The following PDGFRA variants were observed in gnomAD, a reference collection of about 807,000 sequenced individuals.
The protein encoded by PDGFRA is platelet derived growth factor receptor alpha, also known as platelet-derived growth factor receptor alpha.
In PDGFRA, 25 loss-of-function variants were observed where a neutral mutation model predicts 121.5. The ratio of observed to expected loss-of-function variants is 0.21; its 90% confidence interval spans 0.15 to 0.29. The LOEUF (loss-of-function observed/expected upper bound fraction) is 0.29. Ranked by LOEUF, PDGFRA falls within the 10% of genes least tolerant of loss-of-function variation. PDGFRA has a pLI of 1.00. For missense variants in PDGFRA, 1,008 were observed against 1,345.1 expected, an observed-to-expected ratio of 0.75 and a Z score of 3.92; for synonymous variants, 463 against 494.8, an observed-to-expected ratio of 0.94 and a Z score of 0.85.
intron 1 of PDGFRA, among the ~76,000 whole-genome samples, chr4:54,234,100 G>A (rs955134802): frequency 1.1e-4 from 16 of 152,230 alleles, no homozygotes; most frequent in Non-Finnish European, 2.2e-4. Context: ...TAGCCCAGCA[G>A]CGTCGTCTTC....
intron 7 of PDGFRA, among the ~76,000 whole-genome samples, chr4:54,269,504 TACACACAC>T (rs141245838): frequency 2.5e-4 from 36 of 142,362 alleles, no homozygotes; most frequent in Admixed American, 1.0e-3. Flanking sequence ...TGCACATACA[TACACACAC>T]ACACACACAC....
intron 1 of PDGFRA, among the ~76,000 whole-genome samples, chr4:54,240,819 G>A (rs1721257403): frequency 6.6e-6 from 1 of 152,186 alleles, no homozygotes; most frequent in African/African-American, 2.4e-5. Context: ...AGTTTTGTCA[G>A]GGAAATAATT....
chr4:54,265,066 C>T lies in PDGFRA; in HGVS notation c.759+17C>T, dbSNP rs369188027. The T allele has an allele frequency of 2.9e-5, 47 of 1,612,828 alleles. No individual in the cohort carries two copies. Among genetic ancestry groups the T allele is most frequent in the Middle Eastern group, 1.7e-4 (1 of 6,048 alleles). ...GGAGAAGTGGTAGGTACCCTCAAAA[C>T]GTGCAATGGCTTGGAGCAGAGCAAC... is the stretch of plus-strand genomic sequence containing the variant. On this transcript the variant is annotated intron_variant, in intron 5 of 22. Transcript: ENST00000257290.
Position 54,267,324 on chromosome 4 carries a change from A to C in PDGFRA, c.795A>C (p.Lys265Asn), listed in dbSNP as rs763363386. ...GKGITMLEEI[K>N]VPSIKLVYTL... ...GCATCACAATGCTGGAAGAAATCAA[A>C]GTCCCATCCATCAAATTGGTGTACA... is the stretch of plus-strand genomic sequence containing the variant. The change falls in exon 6 of 23, where the codon AAA becomes AAC. Residue 265 changes from lysine (K) to asparagine (N), a missense_variant. Transcript: ENST00000257290. The C allele has an allele frequency of 6.2e-7, 1 of 1,614,220 alleles. No homozygotes were observed. Among genetic ancestry groups the C allele is most frequent in the South Asian group, 1.1e-5 (1 of 91,086 alleles).
At chr4:54,233,489 G>C (rs1364524797) in intron 1 of PDGFRA, among the ~76,000 whole-genome samples, 6 of 152,224 alleles carry the variant, frequency 3.9e-5, no homozygotes, top group Non-Finnish European at 8.8e-5. Context: ...CTCCGGGGAC[G>C]CATCCCGCTT....
chr4:54,289,644 T>C lies in PDGFRA; in HGVS notation c.2880+530T>C, dbSNP rs1045893358. Among the ~76,000 whole-genome samples, 4 of 152,244 alleles carry C rather than the reference T, an allele frequency of 2.6e-5. No individual in the cohort carries two copies. The East Asian group carries it at 7.7e-4, about 29-fold the overall frequency. Reference sequence around the variant, plus strand: ...AAAACTCAGACATAACCTCAGTTTCTTAGATTGAGATTAGTCCCTGTGTAG... The same window carrying C: ...AAAACTCAGACATAACCTCAGTTTCCTAGATTGAGATTAGTCCCTGTGTAG... On this transcript the variant is annotated intron_variant, in intron 21 of 22. Coordinates refer to ENST00000257290, the MANE Select transcript of PDGFRA (RefSeq NM_006206.6).
intron 7 of PDGFRA, among the ~76,000 whole-genome samples, chr4:54,270,055 C>A (rs1388254958): frequency 6.6e-6 from 1 of 152,092 alleles, no homozygotes; most frequent in African/African-American, 2.4e-5. Context: ...TCCCCAGCTG[C>A]CCAGTTCTCC....
At chr4:54,264,851 A>C (rs201531369) in intron 4 of PDGFRA, 68 bp from the exon 5 acceptor site, 39 of 1,387,682 alleles carry the variant, frequency 2.8e-5, no homozygotes, top group Non-Finnish European at 3.2e-5. Context: ...AAAAAAAAAA[A>C]CCCAAACTTT....
intron 19 of PDGFRA, among the ~76,000 whole-genome samples, chr4:54,287,948 G>A (rs886360787): frequency 2.6e-5 from 4 of 152,210 alleles, no homozygotes; most frequent in Admixed American, 6.5e-5. Context: ...GGTACGTGGC[G>A]GGAAGGGCAG....
chr4:54,231,830 A>G (rs566916983), intron 1 of PDGFRA, among the ~76,000 whole-genome samples: 3 of 152,324 alleles, frequency 2.0e-5, no homozygotes, highest in African/African-American at 7.2e-5. Flanking sequence ...ATCGAGAAGG[A>G]CTTGAAGGAG....
intron 1 of PDGFRA, among the ~76,000 whole-genome samples, chr4:54,249,860 T>G (rs190750972): frequency 3.3e-5 from 5 of 152,120 alleles, no homozygotes; most frequent in African/African-American, 1.2e-4. Context: ...AAGTTAAACA[T>G]TAGGATTAAA....
intron 1 of PDGFRA, among the ~76,000 whole-genome samples, chr4:54,246,926 GA>G (rs1409512122): frequency 1.3e-5 from 2 of 151,786 alleles, no homozygotes; most frequent in African/African-American, 4.8e-5. Flanking sequence ...TACCATCAGA[GA>G]ATACCACAAA....
At chr4:54,272,341 A>G (rs1220096394) in intron 8 of PDGFRA, 53 bp from the exon 9 acceptor site, 4 of 1,605,036 alleles carry the variant, frequency 2.5e-6, no homozygotes, top group South Asian at 2.2e-5. Context: ...TTGTAGTCTC[A>G]TATGTTCTGG....
chr4:54,232,951 A>G (rs1202879885), intron 1 of PDGFRA, among the ~76,000 whole-genome samples: 1 of 152,024 alleles, frequency 6.6e-6, no homozygotes. Context: ...GTGAGCCGCT[A>G]CCCACGGCCG....
At position 54,293,907 on chromosome 4, in the gene PDGFRA, T is replaced by TTGTGTGTGTGTG. The variant is rs71200381; in HGVS notation, c.3123-1194_3123-1183dup. ...GCCCCTAGTTCAAGGTCCAAGTTGC[T>TTGTGTGTGTGTG]TGTGTGTGTGTGTGTGTGTGTGTGT... On this transcript the variant is annotated intron_variant, in intron 22 of 22. Transcript: ENST00000257290. Among the ~76,000 whole-genome samples, 986 of 142,540 alleles carry TTGTGTGTGTGTG rather than the reference T, an allele frequency of 6.9e-3. 7 individuals carry two copies. The highest frequency in any genetic ancestry group is 0.018 in the Middle Eastern group (5 of 282). 93.5% of individuals were successfully genotyped at this position (142,540 alleles called of 152,430 possible).
At position 54,273,584 on chromosome 4, in the gene PDGFRA, ACAT is replaced by A. The variant is rs2110291741; in HGVS notation, c.1418_1420del (p.Ile473del). On this transcript the variant is annotated inframe_deletion, in exon 10 of 23. Transcript: ENST00000257290. The stretch of plus-strand genomic sequence containing the variant: ...ACTATTTTGGCCAACAATGTCTCAA[ACAT>A]CATCACGGAGATCCACTCCCGAGAC... 6.2e-7 allele frequency: 1 copy of A among 1,614,146 alleles called. No homozygotes were observed. Among genetic ancestry groups the A allele is most frequent in the African/African-American group, 1.3e-5 (1 of 75,034 alleles).
chr4:54,295,346 A>G lies in PDGFRA; in HGVS notation c.*74A>G. 6.8e-7 allele frequency: 1 copy of G among 1,477,902 alleles called. No individual in the cohort carries two copies. 91.5% of individuals were successfully genotyped at this position (1,477,902 alleles called of 1,614,324 possible). ...CCGTTCAGAAAACCACTTTATTGCAATGCAGAGGTTGAGAGGAGGACTTGG... is the reference window on the plus strand; with the variant it reads ...CCGTTCAGAAAACCACTTTATTGCAGTGCAGAGGTTGAGAGGAGGACTTGG... On this transcript the variant is annotated 3_prime_UTR_variant, in exon 23 of 23. Coordinates refer to ENST00000257290, the MANE Select transcript of PDGFRA (RefSeq NM_006206.6).
At chr4:54,241,113 C>G (rs1467209610) in intron 1 of PDGFRA, among the ~76,000 whole-genome samples, 1 of 152,088 alleles carries the variant, frequency 6.6e-6, no homozygotes, top group Non-Finnish European at 1.5e-5. Context: ...ATATATAACT[C>G]TGTATAAATG....
intron 1 of PDGFRA, chr4:54,230,302 G>GGCGC (rs1336209643): frequency 1.3e-5 from 2 of 152,340 alleles, no homozygotes; most frequent in African/African-American, 4.8e-5. Flanking sequence ...CGGGCGGGCG[G>GGCGC]TCTGGAATAA....
Sources: gnomAD v4.1 joint callset for allele counts (sites outside exome capture counted in the v4.1 genomes callset) on GRCh38, gnomAD v4.1.1 for gene constraint, MANE v1.5 for transcripts, NCBI Gene and HGNC (gene_info 2026-07-23, HGNC 2026-07-21) for gene names.